The following CBFA2T3 variants were observed in gnomAD, a reference collection of about 807,000 sequenced individuals.
The protein encoded by CBFA2T3 is CBFA2/RUNX1 partner transcriptional co-repressor 3, also known as transcriptional corepressor CBFA2T3.
In CBFA2T3, 31 loss-of-function variants were observed where a neutral mutation model predicts 58.6. That is an observed-to-expected ratio of 0.53 (90% CI 0.40 to 0.71). CBFA2T3 has a LOEUF of 0.71. Ranked by LOEUF, CBFA2T3 falls within the 30% of genes least tolerant of loss-of-function variation. The pLI is 0.00. For missense variants in CBFA2T3, 1,076 were observed against 963.1 expected (o/e 1.12, Z -1.55); for synonymous variants, 531 against 421.9 (o/e 1.26, Z -3.17).
rs937117836 is a variant in CBFA2T3, at chr16:88,875,107, G to A, written c.*1869C>T. On this transcript the variant is annotated 3_prime_UTR_variant, in exon 12 of 12. Coordinates refer to ENST00000268679, the MANE Select transcript of CBFA2T3 (RefSeq NM_005187.6). ...CACGCGCACAGATGCCAGGCCACGG[G>A]CCACGCCACACACACAGATGCCAGG... 3 of 235,602 alleles carry A rather than the reference G, an allele frequency of 1.3e-5. No homozygotes were observed. Among genetic ancestry groups the A allele is most frequent in the African/African-American group, 4.5e-5 (2 of 44,860 alleles). 14.6% of individuals were successfully genotyped at this position (235,602 alleles called of 1,614,324 possible).
At chr16:88,975,198 GGTCC>G in intron 1 of CBFA2T3, among the ~76,000 whole-genome samples, 1 of 128,130 alleles carries the variant, frequency 7.8e-6, no homozygotes, top group Non-Finnish European at 1.7e-5. Flanking sequence ...CCATGTCAGA[GGTCC>G]ACCCTGACCC....
chr16:88,905,710 T>TGAA (rs1417178436), intron 1 of CBFA2T3, among the ~76,000 whole-genome samples: 1,516 of 39,996 alleles, frequency 0.038, 16 homozygotes, highest in Admixed American at 0.056. Context: ...GGGGCGGGGC[T>TGAA]GGAGGGGCGG....
At chr16:88,973,836 C>A (rs998839827) in intron 1 of CBFA2T3, among the ~76,000 whole-genome samples, 2 of 152,152 alleles carry the variant, frequency 1.3e-5, no homozygotes, top group African/African-American at 4.8e-5. Flanking sequence ...AAGCTTCCTG[C>A]ACGGATGGTG....
intron 1 of CBFA2T3, chr16:88,941,860 T>TG (rs373205785): frequency 2.5e-4 from 18 of 71,396 alleles, no homozygotes; most frequent in East Asian, 1.3e-3. Context: ...TTGGGGGGTG[T>TG]GGGGGGGGTG....
chr16:88,976,111 C>A (rs556757773), intron 1 of CBFA2T3, among the ~76,000 whole-genome samples: 1 of 152,342 alleles, frequency 6.6e-6, no homozygotes, highest in East Asian at 1.9e-4. Context: ...CCGAAGCCCC[C>A]AGAAGGGCAG....
At chr16:88,957,152 T>A (rs931110124) in intron 1 of CBFA2T3, among the ~76,000 whole-genome samples, 3 of 152,116 alleles carry the variant, frequency 2.0e-5, no homozygotes, top group Admixed American at 2.0e-4. Flanking sequence ...AGAACCATCA[T>A]CACACGAGAT....
At chr16:88,946,318 GA>G (rs944972490) in intron 1 of CBFA2T3, among the ~76,000 whole-genome samples, 24 of 144,828 alleles carry the variant, frequency 1.7e-4, no homozygotes, top group East Asian at 4.0e-4. Flanking sequence ...ATCTCAAAAA[GA>G]AAAAAAAAAG....
chr16:88,881,545 A>G (rs1480562513), intron 8 of CBFA2T3, 56 bp from the exon 9 acceptor site: 1 of 1,530,844 alleles, frequency 6.5e-7, no homozygotes, highest in Non-Finnish European at 8.9e-7. Flanking sequence ...CGCACCAGAC[A>G]CTCCCCCAGC....
At chr16:88,890,615 G>A (rs1051137403) in intron 5 of CBFA2T3, among the ~76,000 whole-genome samples, 13 of 152,234 alleles carry the variant, frequency 8.5e-5, no homozygotes, top group African/African-American at 2.2e-4. Context: ...ATGGAGACCC[G>A]CAGAGATGGC....
intron 1 of CBFA2T3, among the ~76,000 whole-genome samples, chr16:88,931,113 A>C (rs1280162820): frequency 1.3e-5 from 2 of 152,092 alleles, no homozygotes; most frequent in Non-Finnish European, 2.9e-5. Context: ...CGTTGCTAAC[A>C]GCCCAGGAGT....
chr16:88,905,216 T>C (rs1234904630), intron 1 of CBFA2T3, among the ~76,000 whole-genome samples: 2 of 152,040 alleles, frequency 1.3e-5, no homozygotes, highest in African/African-American at 4.8e-5. Flanking sequence ...ATCGTCTCTC[T>C]CCTGCTTAAT....
At chr16:88,967,175 C>T (rs1482937045) in intron 1 of CBFA2T3, among the ~76,000 whole-genome samples, 7 of 119,554 alleles carry the variant, frequency 5.9e-5, no homozygotes, top group African/African-American at 1.3e-4. Context: ...CCCCAGCCCC[C>T]GAGGTGCCAC....
At chr16:88,896,858 G>A (rs982736532) in intron 3 of CBFA2T3, among the ~76,000 whole-genome samples, 11 of 152,196 alleles carry the variant, frequency 7.2e-5, no homozygotes, top group Admixed American at 2.0e-4. Context: ...TGGTCCTTCC[G>A]GCGGCCTGCT....
chr16:88,945,716 G>T (rs374283519), intron 1 of CBFA2T3, among the ~76,000 whole-genome samples: 1 of 152,152 alleles, frequency 6.6e-6, no homozygotes, highest in South Asian at 2.1e-4. Flanking sequence ...ATTCATTGCC[G>T]ACGGGAATGC....
chr16:88,897,167 C>T (rs981588586), intron 3 of CBFA2T3, among the ~76,000 whole-genome samples: 1 of 152,244 alleles, frequency 6.6e-6, no homozygotes, highest in Admixed American at 6.5e-5. Context: ...ACCAACTTTG[C>T]CATCCATAAG....
At position 88,879,347 on chromosome 16, in the gene CBFA2T3, G is replaced by A. The variant is rs1249408666; in HGVS notation, c.1585C>T (p.Arg529Trp). Reference protein sequence around the residue: ...LITTERAKMERALAEAKRQAS... With the variant: ...LITTERAKMEWALAEAKRQAS... Reference sequence around the variant, plus strand: ...TGCCGCTTCGCCTCGGCCAGGGCCCGCTCCATCTTGGCACGCTCCGTGGTG... The same window carrying A: ...TGCCGCTTCGCCTCGGCCAGGGCCCACTCCATCTTGGCACGCTCCGTGGTG... The change falls in exon 11 of 12, where the codon CGG becomes TGG. Residue 529 changes from arginine (R) to tryptophan (W), a missense_variant. Coordinates refer to ENST00000268679, the MANE Select transcript of CBFA2T3 (RefSeq NM_005187.6). 1.3e-5 allele frequency: 21 copies of A among 1,612,508 alleles called. No homozygotes were observed. Among genetic ancestry groups the A allele is most frequent in the South Asian group, 3.3e-5 (3 of 91,068 alleles).
intron 1 of CBFA2T3, among the ~76,000 whole-genome samples, chr16:88,918,778 C>T (rs1158911434): frequency 1.3e-5 from 2 of 152,224 alleles, no homozygotes; most frequent in Non-Finnish European, 2.9e-5. Flanking sequence ...CGGCCTCCCA[C>T]GGCAGGGGGT....
chr16:88,937,224 C>G (rs968408957), intron 1 of CBFA2T3: 5 of 152,284 alleles, frequency 3.3e-5, no homozygotes, highest in Non-Finnish European at 7.3e-5. Flanking sequence ...AGGAAAGGAT[C>G]TGGGGTGTCG....
chr16:88,905,838 G>A (rs1197174752), intron 1 of CBFA2T3, among the ~76,000 whole-genome samples: 2 of 151,282 alleles, frequency 1.3e-5, no homozygotes, highest in Non-Finnish European at 2.9e-5. Flanking sequence ...CTGCAGGACA[G>A]GTGCTTTCTG....
Sources: gnomAD v4.1 joint callset for allele counts (sites outside exome capture counted in the v4.1 genomes callset) on GRCh38, gnomAD v4.1.1 for gene constraint, MANE v1.5 for transcripts, NCBI Gene and HGNC (gene_info 2026-07-23, HGNC 2026-07-21) for gene names.